AGPAT5: variants seen among roughly 807,000 people sequenced by gnomAD.
The protein encoded by AGPAT5 is 1-acyl-sn-glycerol-3-phosphate acyltransferase epsilon.
In AGPAT5, 46 loss-of-function variants were observed where a neutral mutation model predicts 45.6. The ratio of observed to expected loss-of-function variants is 1.01; its 90% confidence interval spans 0.80 to 1.29. The LOEUF (loss-of-function observed/expected upper bound fraction) is 1.29. Ranked by LOEUF, AGPAT5 falls within the 50% of genes most tolerant of loss-of-function variation. The probability of loss-of-function intolerance (pLI) is 0.00; values close to 1 mark genes in which losing one functional copy is unlikely to be tolerated. For missense variants in AGPAT5, 673 were observed against 450.7 expected, an observed-to-expected ratio of 1.49 and a Z score of -4.47; for synonymous variants, 272 against 167.0, an observed-to-expected ratio of 1.63 and a Z score of -4.85.
chr8:6,748,873 G>A (rs572482422), intron 6 of AGPAT5, among the ~76,000 whole-genome samples: 1 of 152,234 alleles, frequency 6.6e-6, no homozygotes, highest in African/African-American at 2.4e-5. Flanking sequence ...CAAAATATGA[G>A]CCTCCAGCAC....
At position 6,757,549 on chromosome 8, in the gene AGPAT5, G is replaced by T; in HGVS notation, c.*161G>T. The T allele has an allele frequency of 1.6e-6, 1 of 626,330 alleles. No homozygotes were observed. Among genetic ancestry groups the T allele is most frequent in the Non-Finnish European group, 2.7e-6 (1 of 364,452 alleles). The allele number at this position is 626,330 out of a possible 1,614,324, so 38.8% of individuals were successfully genotyped here. On this transcript the variant is annotated 3_prime_UTR_variant, in exon 8 of 8. Transcript: ENST00000285518. ...TTGTGACGAAAGCTGATATGCAATG[G>T]TCTTGGGCAAACATACCTGGTTGTA...
At chr8:6,742,258 G>C (rs1443587732) in intron 5 of AGPAT5, among the ~76,000 whole-genome samples, 2 of 152,144 alleles carry the variant, frequency 1.3e-5, no homozygotes, top group African/African-American at 4.8e-5. Context: ...AATATGTCAA[G>C]TTTCTATTGG....
At chr8:6,741,883 A>G (rs1801255708) in intron 5 of AGPAT5, 132 bp downstream of exon 5, 1 of 638,768 alleles carries the variant, frequency 1.6e-6, no homozygotes, top group Non-Finnish European at 2.7e-6. Context: ...ATTAGTGTAC[A>G]TATTATCTCT....
chr8:6,722,160 G>A (rs946410790), intron 1 of AGPAT5, among the ~76,000 whole-genome samples: 2 of 152,068 alleles, frequency 1.3e-5, no homozygotes, highest in Admixed American at 1.3e-4. Context: ...GCCAGTTTCT[G>A]GTCTCCTAAT....
At chr8:6,736,202 T>C (rs975590165) in intron 4 of AGPAT5, among the ~76,000 whole-genome samples, 2 of 152,214 alleles carry the variant, frequency 1.3e-5, no homozygotes, top group Non-Finnish European at 2.9e-5. Context: ...TAACATGGTA[T>C]ATATTTGTCA....
At chr8:6,744,342 G>A (rs1263998925) in intron 5 of AGPAT5, among the ~76,000 whole-genome samples, 10 of 152,306 alleles carry the variant, frequency 6.6e-5, no homozygotes, top group South Asian at 2.1e-4. Context: ...GTGTGGTAAC[G>A]GCACTCTCGC....
intron 5 of AGPAT5, among the ~76,000 whole-genome samples, chr8:6,747,391 G>A (rs1587058472): frequency 6.6e-6 from 1 of 152,206 alleles, no homozygotes; most frequent in Non-Finnish European, 1.5e-5. Context: ...CCTTGCCGGG[G>A]TCTACTAGAT....
intron 1 of AGPAT5, among the ~76,000 whole-genome samples, chr8:6,713,086 G>A (rs1800205827): frequency 6.6e-6 from 1 of 152,148 alleles, no homozygotes; most frequent in Admixed American, 6.5e-5. Flanking sequence ...TTGAATGCCT[G>A]GGTTCAAGTG....
At chr8:6,739,478 A>C (rs1461880285) in intron 4 of AGPAT5, among the ~76,000 whole-genome samples, 30 of 152,122 alleles carry the variant, frequency 2.0e-4, no homozygotes, top group Non-Finnish European at 1.5e-5. Flanking sequence ...TTGTAGTTTA[A>C]TGTACAGATT....
intron 4 of AGPAT5, among the ~76,000 whole-genome samples, chr8:6,740,756 C>T (rs1051027547): frequency 3.3e-5 from 5 of 152,006 alleles, no homozygotes; most frequent in African/African-American, 7.2e-5. Flanking sequence ...CTGTACCAGA[C>T]GTACAGAGGT....
intron 6 of AGPAT5, among the ~76,000 whole-genome samples, chr8:6,748,089 C>G (rs376248971): frequency 6.6e-6 from 1 of 151,658 alleles, no homozygotes; most frequent in Non-Finnish European, 1.5e-5. Context: ...AAAGTTCACA[C>G]TTAAAAGGAA....
chr8:6,755,101 G>A lies in AGPAT5; in HGVS notation c.796G>A (p.Asp266Asn), dbSNP rs941649567. The A allele has an allele frequency of 5.6e-6, 9 of 1,605,840 alleles. No homozygotes were observed. The highest frequency in any genetic ancestry group is 3.5e-5 in the Admixed American group (2 of 57,478). The change falls in exon 7 of 8, where the codon GAC becomes AAC. Residue 266 changes from aspartate to asparagine, a missense_variant. Transcript: ENST00000285518. ...PKIHIHIDRI[D>N]KKDVPEEQEH... ...AATTCATATTCACATTGATCGTATC[G>A]ACAAAAAAGATGTCCCAGAAGAACA...
chr8:6,724,392 A>G (rs140115659), intron 1 of AGPAT5, among the ~76,000 whole-genome samples: 6 of 152,292 alleles, frequency 3.9e-5, no homozygotes, highest in African/African-American at 1.4e-4. Flanking sequence ...TCTGCAGTTT[A>G]CAGTTCTTTA....
At chr8:6,752,236 C>T (rs1052222735) in intron 6 of AGPAT5, among the ~76,000 whole-genome samples, 7 of 152,158 alleles carry the variant, frequency 4.6e-5, no homozygotes, top group African/African-American at 1.4e-4. Flanking sequence ...GGAAAAATCT[C>T]CACAAGTTCA....
chr8:6,730,659 T>G lies in AGPAT5; in HGVS notation c.290-52T>G, dbSNP rs533474603. 9 of 1,219,018 alleles carry G rather than the reference T, an allele frequency of 7.4e-6. No homozygotes were observed. The South Asian group carries it at 1.2e-4, about 16-fold the overall frequency. The allele number at this position is 1,219,018 out of a possible 1,614,324, so 75.5% of individuals were successfully genotyped here. On this transcript the variant is annotated intron_variant, in intron 2 of 7. Transcript: ENST00000285518. ...TAGTACTTTTGAAGCCCATTCATAGTACAACCTGTGAAGAGCCTCATGTAC... is the reference window on the plus strand; with the variant it reads ...TAGTACTTTTGAAGCCCATTCATAGGACAACCTGTGAAGAGCCTCATGTAC...
chr8:6,749,709 C>CA lies in AGPAT5; in HGVS notation c.745+1882dup, dbSNP rs1302976175. Among the ~76,000 whole-genome samples the CA allele has an allele frequency of 5.9e-5, 9 of 152,288 alleles. No individual in the cohort carries two copies. The East Asian group carries it at 9.6e-4, about 16-fold the overall frequency. ...ACCTATTTTTGCATTTGAAAACAGA[C>CA]AGTTCATCAAGATTGTCGTTGGTTT... is the stretch of plus-strand genomic sequence containing the variant. On this transcript the variant is annotated intron_variant, in intron 6 of 7. Transcript: ENST00000285518.
intron 5 of AGPAT5, among the ~76,000 whole-genome samples, chr8:6,743,902 G>C (rs978816418): frequency 6.6e-6 from 1 of 151,922 alleles, no homozygotes; most frequent in African/African-American, 2.4e-5. Flanking sequence ...CAGATACCTA[G>C]AATTTCCATG....
chr8:6,732,183 G>T (rs7015837), intron 3 of AGPAT5, among the ~76,000 whole-genome samples: 114,215 of 151,472 alleles, frequency 0.75, 44,261 homozygotes, highest in African/African-American at 0.94. Context: ...CGTGAGACAT[G>T]TTAAGGACGC....
At chr8:6,715,395 G>A (rs1664862712) in intron 1 of AGPAT5, among the ~76,000 whole-genome samples, 1 of 152,188 alleles carries the variant, frequency 6.6e-6, no homozygotes, top group Non-Finnish European at 1.5e-5. Flanking sequence ...ATCTATTTTA[G>A]TGGTAGCTGA....
Sources: gnomAD v4.1 joint callset for allele counts (sites outside exome capture counted in the v4.1 genomes callset) on GRCh38, gnomAD v4.1.1 for gene constraint, MANE v1.5 for transcripts, NCBI Gene and HGNC (gene_info 2026-07-23, HGNC 2026-07-21) for gene names.